The following SCAMP1 variants were observed in gnomAD, a reference collection of about 807,000 sequenced individuals.
The protein encoded by SCAMP1 is secretory carrier membrane protein 1.
SCAMP1 carries 15 observed loss-of-function variants against 41.8 expected under a neutral mutation model. That is an observed-to-expected ratio of 0.36 (90% CI 0.24 to 0.55). SCAMP1 has a LOEUF of 0.55. Ranked by LOEUF, SCAMP1 falls within the 20% of genes least tolerant of loss-of-function variation. SCAMP1 has a pLI of 0.86. For missense variants in SCAMP1, 341 were observed against 412.6 expected, an observed-to-expected ratio of 0.83 and a Z score of 1.50; for synonymous variants, 135 against 136.8, an observed-to-expected ratio of 0.99 and a Z score of 0.09.
At chr5:78,410,313 G>A (rs1012711979) in intron 2 of SCAMP1, among the ~76,000 whole-genome samples, 3 of 150,198 alleles carry the variant, frequency 2.0e-5, no homozygotes, top group Middle Eastern at 3.2e-3. Context: ...CCCATCTCCC[G>A]ACAGGCCCCA....
intron 1 of SCAMP1, among the ~76,000 whole-genome samples, chr5:78,367,969 CT>C (rs1411465306): frequency 1.3e-5 from 2 of 152,048 alleles, no homozygotes. Flanking sequence ...TTATTTTTTT[CT>C]ATAAGAATGA....
At chr5:78,428,991 TC>T (rs1752532737) in intron 6 of SCAMP1, among the ~76,000 whole-genome samples, 1 of 152,154 alleles carries the variant, frequency 6.6e-6, no homozygotes, top group Non-Finnish European at 1.5e-5. Context: ...CTTCACTAAT[TC>T]TAGTAGTTTG....
intron 1 of SCAMP1, among the ~76,000 whole-genome samples, chr5:78,373,063 T>C (rs918513972): frequency 5.9e-5 from 9 of 152,102 alleles, no homozygotes; most frequent in African/African-American, 2.2e-4. Context: ...GAAGCAAACC[T>C]TAAGCAGTGT....
intron 2 of SCAMP1, among the ~76,000 whole-genome samples, chr5:78,404,633 T>A (rs900914303): frequency 1.3e-5 from 2 of 152,140 alleles, no homozygotes; most frequent in Non-Finnish European, 1.5e-5. Context: ...TGTTTTCTTC[T>A]TTCTTAGGTG....
chr5:78,384,294 C>A (rs1317051810), intron 1 of SCAMP1, among the ~76,000 whole-genome samples: 1 of 149,266 alleles, frequency 6.7e-6, no homozygotes, highest in Non-Finnish European at 1.5e-5. Flanking sequence ...ATGTTGTACA[C>A]AAATGTTTTA....
At chr5:78,362,758 T>A (rs1005576778) in intron 1 of SCAMP1, among the ~76,000 whole-genome samples, 2 of 152,206 alleles carry the variant, frequency 1.3e-5, no homozygotes, top group Non-Finnish European at 2.9e-5. Flanking sequence ...TATAGTTTTA[T>A]ATCTATATTT....
chr5:78,368,910 CT>C lies in SCAMP1; in HGVS notation c.57+8186del, dbSNP rs765181865. 4.6e-5 allele frequency among the ~76,000 whole-genome samples: 7 copies of C among 152,016 alleles called. No homozygotes were observed. In the East Asian group the frequency reaches 5.8e-4, roughly 13 times the overall value. ...TAAAGGTAAATTTTGTCCAAACAGACTTTTAAAAATCTGCTACCATGGCCTG... is the reference window on the plus strand; with the variant it reads ...TAAAGGTAAATTTTGTCCAAACAGACTTTAAAAATCTGCTACCATGGCCTG... On this transcript the variant is annotated intron_variant, in intron 1 of 8. Coordinates refer to ENST00000621999, the MANE Select transcript of SCAMP1 (RefSeq NM_004866.6).
At chr5:78,382,528 T>C (rs1443331070) in intron 1 of SCAMP1, among the ~76,000 whole-genome samples, 1 of 152,176 alleles carries the variant, frequency 6.6e-6, no homozygotes, top group Admixed American at 6.5e-5. Flanking sequence ...ACCCGAGCAG[T>C]GTACACTGCA....
intron 8 of SCAMP1, among the ~76,000 whole-genome samples, chr5:78,466,553 C>T (rs75437343): frequency 1.3e-5 from 2 of 152,038 alleles, no homozygotes; most frequent in African/African-American, 4.8e-5. Context: ...AAATGTAGCT[C>T]AGAATGGATG....
intron 8 of SCAMP1, among the ~76,000 whole-genome samples, chr5:78,466,276 GA>G (rs1338185863): frequency 6.6e-6 from 1 of 152,212 alleles, no homozygotes; most frequent in Admixed American, 6.5e-5. Context: ...GTGAGGAAGA[GA>G]AATAAATTGG....
intron 1 of SCAMP1, among the ~76,000 whole-genome samples, chr5:78,364,606 C>T (rs536303430): frequency 6.6e-6 from 1 of 152,080 alleles, no homozygotes; most frequent in South Asian, 2.1e-4. Flanking sequence ...TGTATGTGCT[C>T]CCTGGTTGCA....
At position 78,480,003 on chromosome 5, in the gene SCAMP1, T is replaced by G. The variant is rs887568579; in HGVS notation, c.*4335T>G. Among the ~76,000 whole-genome samples the G allele has an allele frequency of 1.1e-4, 16 of 151,086 alleles. 1 individual carries two copies. Among genetic ancestry groups the G allele is most frequent in the South Asian group, 2.1e-4 (1 of 4,784 alleles). On this transcript the variant is annotated 3_prime_UTR_variant, in exon 9 of 9. Coordinates refer to ENST00000621999, the MANE Select transcript of SCAMP1 (RefSeq NM_004866.6). Reference sequence around the variant, plus strand: ...GGAGCTTGCAGTGAGCCGAGATCTCTCCACTGCACTCCAGCCTGGGCGACA... The same window carrying G: ...GGAGCTTGCAGTGAGCCGAGATCTCGCCACTGCACTCCAGCCTGGGCGACA...
rs546735856 is a variant in SCAMP1, at chr5:78,424,043, C to T, written c.632+2083C>T. 3.0e-3 allele frequency among the ~76,000 whole-genome samples: 455 copies of T among 152,144 alleles called. 2 individuals carry two copies. Among genetic ancestry groups the T allele is most frequent in the Middle Eastern group, 0.01 (3 of 294 alleles). ...ATTTTTAGTAGAGACAGGGTTTAAC[C>T]ATTTTGGTCAGGCTGGTCTCGAACT... On this transcript the variant is annotated intron_variant, in intron 6 of 8. Coordinates refer to ENST00000621999, the MANE Select transcript of SCAMP1 (RefSeq NM_004866.6).
intron 6 of SCAMP1, among the ~76,000 whole-genome samples, chr5:78,429,351 T>G (rs35235865): frequency 0.49 from 59,435 of 120,466 alleles, 12,995 homozygotes; most frequent in Non-Finnish European, 0.53. Flanking sequence ...GTTGGTTTTT[T>G]TTTTTTTTTT....
intron 1 of SCAMP1, among the ~76,000 whole-genome samples, chr5:78,378,975 T>C (rs1353612484): frequency 6.6e-6 from 1 of 152,202 alleles, no homozygotes; most frequent in African/African-American, 2.4e-5. Context: ...GTGACCGCAA[T>C]GCGTGCTGAA....
chr5:78,458,031 C>A (rs7711587), intron 7 of SCAMP1: 42,975 of 152,736 alleles, frequency 0.28, 6,366 homozygotes, highest in East Asian at 0.54. Context: ...CAATGCCTCG[C>A]CCTGCTTCGG....
intron 7 of SCAMP1, among the ~76,000 whole-genome samples, chr5:78,455,346 CT>C (rs1448478792): frequency 7.7e-6 from 1 of 129,504 alleles, no homozygotes; most frequent in African/African-American, 3.1e-5. Flanking sequence ...CCTCTACACA[CT>C]GCTTTGAATG....
At chr5:78,398,541 ATTTTTTTT>A (rs57209214) in intron 2 of SCAMP1, among the ~76,000 whole-genome samples, 7 of 44,226 alleles carry the variant, frequency 1.6e-4, no homozygotes, top group Non-Finnish European at 2.5e-4. Flanking sequence ...AAGGTTCACT[ATTTTTTTT>A]TTTTTTTTTT....
intron 6 of SCAMP1, among the ~76,000 whole-genome samples, chr5:78,437,932 T>G (rs547358782): frequency 1.3e-5 from 2 of 152,348 alleles, no homozygotes; most frequent in East Asian, 3.9e-4. Flanking sequence ...TTCTTCCTGG[T>G]TTAGTCTTGG....
Sources: allele counts gnomAD v4.1 joint callset (sites outside exome capture counted in the v4.1 genomes callset), GRCh38; gene constraint gnomAD v4.1.1; transcripts MANE v1.5; gene names NCBI Gene and HGNC (gene_info 2026-07-23, HGNC 2026-07-21).